The following PCDHGA8 variants were observed in gnomAD, a reference collection of about 807,000 sequenced individuals.
PCDHGA8 encodes the protein protocadherin gamma-A8.
A neutral mutation model predicts 59.2 loss-of-function variants in PCDHGA8; 45 were observed. The ratio of observed to expected loss-of-function variants is 0.76; its 90% confidence interval spans 0.60 to 0.98. The LOEUF is 0.98. PCDHGA8 is among the 50% of genes least tolerant of loss of function. The pLI is 0.00. For synonymous variants in PCDHGA8, 531 were observed against 519.0 expected (o/e 1.02, Z -0.32); for missense variants, 1,257 against 1,196.2 (o/e 1.05, Z -0.75).
rs754334472 is a variant in PCDHGA8, at chr5:141,393,460, A to ATGGC, written c.648_651dup (p.Gly218TrpfsTer8). On this transcript the variant is annotated frameshift_variant, in exon 1 of 4. Coordinates refer to ENST00000398604, the MANE Select transcript of PCDHGA8 (RefSeq NM_032088.2). LOFTEE classifies it high-confidence loss of function. ...CACCACCTGGTCCTCACGGCCTCGGATGGCGGCAAGCCGCCTCGCTCTAGC... is the reference window on the plus strand; with the variant it reads ...CACCACCTGGTCCTCACGGCCTCGGATGGCTGGCGGCAAGCCGCCTCGCTCTAGC... The ATGGC allele has an allele frequency of 6.2e-7, 1 of 1,614,052 alleles. No homozygotes were observed. The highest frequency in any genetic ancestry group is 1.1e-5 in the South Asian group (1 of 91,086).
intron 1 of PCDHGA8, among the ~76,000 whole-genome samples, chr5:141,450,682 T>C (rs112841569): frequency 0.042 from 6,384 of 151,996 alleles, 168 homozygotes; most frequent in Middle Eastern, 0.086. Context: ...AAACGGGGTT[T>C]TGCCATGTTG....
At chr5:141,402,221 G>T (rs567791316) in intron 1 of PCDHGA8, among the ~76,000 whole-genome samples, 1 of 151,824 alleles carries the variant, frequency 6.6e-6, no homozygotes, top group East Asian at 1.9e-4. Flanking sequence ...TAAAATAAAC[G>T]TTTTTCCAGG....
chr5:141,458,575 G>A (rs1337776166), intron 1 of PCDHGA8, among the ~76,000 whole-genome samples: 1 of 151,346 alleles, frequency 6.6e-6, no homozygotes, highest in Non-Finnish European at 1.5e-5. Context: ...GTTTTTGTTT[G>A]TTTGTTTGTT....
rs1319222603 is a variant in PCDHGA8 at position 141,438,686 on chromosome 5, A to G, written c.2424+43449A>G. Among the ~76,000 whole-genome samples the G allele has an allele frequency of 2.8e-5, 4 of 140,922 alleles. No homozygotes were observed. The Admixed American group carries it at 2.9e-4, about 10-fold the overall frequency. 92.5% of individuals were successfully genotyped at this position (140,922 alleles called of 152,430 possible). On this transcript the variant is annotated intron_variant, in intron 1 of 3. Transcript: ENST00000398604. ...TATATATATTTGGAGTAGGGGATGGAGTCTTGCTCTGTCACCCAGGCTGGA... is the reference window on the plus strand; with the variant it reads ...TATATATATTTGGAGTAGGGGATGGGGTCTTGCTCTGTCACCCAGGCTGGA...
chr5:141,421,239 G>C, intron 1 of PCDHGA8: 1 of 1,599,000 alleles, frequency 6.3e-7, no homozygotes, highest in South Asian at 1.1e-5. Flanking sequence ...TGGCGAATCG[G>C]CTACAGCGCG....
rs374575578 is a variant in PCDHGA8 at position 141,409,643 on chromosome 5, T to G, written c.2424+14406T>G. 4.3e-6 allele frequency: 7 copies of G among 1,613,620 alleles called. No homozygotes were observed. The African/African-American group carries it at 8.0e-5, about 18-fold the overall frequency. ...GCAAGTGAGCGCCTCTGACCCGGAT[T>G]TGGGGCTCAATGGCCACATCTCCTA... On this transcript the variant is annotated intron_variant, in intron 1 of 3. Coordinates refer to ENST00000398604, the MANE Select transcript of PCDHGA8 (RefSeq NM_032088.2).
Position 141,392,878 on chromosome 5 carries a change from C to G in PCDHGA8, c.65C>G (p.Thr22Arg). 1.2e-6 allele frequency: 2 copies of G among 1,613,474 alleles called. No homozygotes were observed. The highest frequency in any genetic ancestry group is 1.7e-6 in the Non-Finnish European group (2 of 1,179,800). Residue 22 changes from threonine to arginine, a missense_variant, in exon 1 of 4, where the codon ACG becomes AGG. Physicochemically the swap from Thr to Arg is moderately conservative, Grantham distance 71 (BLOSUM62 -1). Transcript: ENST00000398604. ...ATCCTGCTGTGCGCGCTGCTGGGAA[C>G]GCTGTGGGAAATCGGGAGGGGACAG... ...ELILLCALLGTLWEIGRGQIR... is the reference protein window; with the variant it reads ...ELILLCALLGRLWEIGRGQIR...
At chr5:141,455,899 ATTTATTT>A (rs1441561749) in intron 1 of PCDHGA8, among the ~76,000 whole-genome samples, 5 of 148,258 alleles carry the variant, frequency 3.4e-5, no homozygotes, top group African/African-American at 1.2e-4. Context: ...TTATTTATTT[ATTTATTT>A]ATTTATTTTG....
intron 1 of PCDHGA8, chr5:141,398,187 C>G (rs1329117309): frequency 5.8e-5 from 86 of 1,481,250 alleles, no homozygotes; most frequent in Non-Finnish European, 7.6e-5. Context: ...TCTTTCTCTT[C>G]CTGCTGTCTT....
chr5:141,417,975 A>C, intron 1 of PCDHGA8: 3 of 1,613,724 alleles, frequency 1.9e-6, no homozygotes, highest in Non-Finnish European at 2.5e-6. Context: ...TCGATTCCGG[A>C]GGAGCTGGCC....
At chr5:141,472,058 C>T (rs149583469) in intron 1 of PCDHGA8, among the ~76,000 whole-genome samples, 114 of 152,176 alleles carry the variant, frequency 7.5e-4, no homozygotes, top group African/African-American at 2.6e-3. Context: ...AAATGATTGA[C>T]ATGTCTGTGG....
intron 1 of PCDHGA8, chr5:141,468,351 A>G (rs1030472813): frequency 6.7e-6 from 1 of 149,192 alleles, no homozygotes; most frequent in Non-Finnish European, 1.5e-5. Context: ...AAAAAAAAAG[A>G]AAGAAAAAAG....
At position 141,431,427 on chromosome 5, in the gene PCDHGA8, C is replaced by G. The variant is rs1269666597; in HGVS notation, c.2424+36190C>G. The stretch of plus-strand genomic sequence containing the variant: ...TCCGACGGGGGCGACCCGGTGCGCA[C>G]AGGCACCGCGCGCATCCGCGTGATG... On this transcript the variant is annotated intron_variant, in intron 1 of 3. Transcript: ENST00000398604. The surrounding 1 kb of genome is among the most constrained non-coding windows in gnomAD (Gnocchi z 4.8). 1.2e-6 allele frequency: 2 copies of G among 1,613,584 alleles called. No homozygotes were observed.
rs1404447940 is a variant in PCDHGA8 at position 141,428,036 on chromosome 5, C to T, written c.2424+32799C>T. On this transcript the variant is annotated intron_variant, in intron 1 of 3. Transcript: ENST00000398604. ...TGCCACGCGCCGCAGAGTCCGGCTA[C>T]CTGGTGACCAAGGTGGTGGCGGTGG... The T allele has an allele frequency of 3.7e-6, 6 of 1,608,246 alleles. No homozygotes were observed. The African/African-American group carries it at 4.0e-5, about 11-fold the overall frequency.
intron 1 of PCDHGA8, chr5:141,475,890 G>C: frequency 1.8e-6 from 1 of 565,896 alleles, no homozygotes; most frequent in South Asian, 2.3e-5. Flanking sequence ...CTGGGACTCT[G>C]TGTGCCGCTG....
intron 2 of PCDHGA8, 143 bp downstream of exon 2, chr5:141,495,008 G>A (rs2099758236): frequency 6.6e-7 from 1 of 1,521,900 alleles, no homozygotes; most frequent in Non-Finnish European, 8.8e-7. Context: ...TGGTGTGCGG[G>A]GGGCTGGCAC....
chr5:141,458,413 G>T lies in PCDHGA8; in HGVS notation c.2425-36394G>T, dbSNP rs138479316. On this transcript the variant is annotated intron_variant, in intron 1 of 3. Coordinates refer to ENST00000398604, the MANE Select transcript of PCDHGA8 (RefSeq NM_032088.2). ...TCCCCCTTGCAGAGACGGAGCGGGG[G>T]TTCCAAAGCTGAAAGAGGAGGTCCC... Among the ~76,000 whole-genome samples the T allele has an allele frequency of 9.0e-4, 137 of 152,196 alleles. 5 individuals carry two copies. The East Asian group carries it at 0.026, about 28-fold the overall frequency.
chr5:141,431,008 C>T lies in PCDHGA8; in HGVS notation c.2424+35771C>T. The T allele has an allele frequency of 6.2e-7, 1 of 1,614,118 alleles. No individual in the cohort carries two copies. The highest frequency in any genetic ancestry group is 1.1e-5 in the South Asian group (1 of 91,076). ...TCGCCCTGAATCCGCGCAGCGGCAG[C>T]TTGGTCACGGCGGGCAGGATAGACC... On this transcript the variant is annotated intron_variant, in intron 1 of 3. Transcript: ENST00000398604. This position sits in a 1 kb window ranked among gnomAD's most constrained non-coding sequence, Gnocchi z 4.8.
At chr5:141,400,000 G>A (rs765622041) in intron 1 of PCDHGA8, 1 of 1,612,388 alleles carries the variant, frequency 6.2e-7, no homozygotes, top group Non-Finnish European at 8.5e-7. Context: ...GGTGCGCACA[G>A]CGCGTGCCTT....
Sources: gnomAD v4.1 joint callset for allele counts (sites outside exome capture counted in the v4.1 genomes callset) on GRCh38, gnomAD v4.1.1 for gene constraint, Gnocchi (gnomAD v3.1) non-coding constraint, MANE v1.5 for transcripts, NCBI Gene and HGNC (gene_info 2026-07-23, HGNC 2026-07-21) for gene names.